Variants in CCDC57 observed in about 807,000 individuals in gnomAD.
CCDC57 encodes the protein coiled-coil domain containing 57.
CCDC57 carries 118 observed loss-of-function variants against 118.9 expected under a neutral mutation model. The observed-to-expected ratio is 0.99, with a 90% CI of 0.86 to 1.16. The LOEUF (loss-of-function observed/expected upper bound fraction) is 1.16, where lower values mean the gene tolerates loss of function less well. Ranked by LOEUF, CCDC57 falls within the 50% of genes most tolerant of loss-of-function variation. The probability of loss-of-function intolerance (pLI) is 0.00; values close to 1 mark genes in which losing one functional copy is unlikely to be tolerated. For missense variants in CCDC57, 1,300 were observed against 1,320.7 expected, an observed-to-expected ratio of 0.98 and a Z score of 0.24; for synonymous variants, 527 against 532.9, an observed-to-expected ratio of 0.99 and a Z score of 0.15.
At chr17:82,142,902 C>T (rs1203741197) in intron 16 of CCDC57, among the ~76,000 whole-genome samples, 3 of 152,144 alleles carry the variant, frequency 2.0e-5, no homozygotes, top group Non-Finnish European at 4.4e-5. Context: ...ACGTGGCTCA[C>T]GCCTGTAATC....
At chr17:82,127,761 C>T (rs1368385211) in exon 19 of CCDC57, 3 of 1,612,854 alleles carry the variant, frequency 1.9e-6, no homozygotes, top group African/African-American at 2.7e-5. Flanking sequence ...CTCCACATGT[C>T]CTGGAGGGTG....
At chr17:82,107,473 G>A (rs1289469873) in intron 19 of CCDC57, 1 of 470,312 alleles carries the variant, frequency 2.1e-6, no homozygotes, top group Non-Finnish European at 4.4e-6. Context: ...CGGCACACGG[G>A]GCGAGGTTAG....
At chr17:82,193,986 C>A in exon 6 of CCDC57, 2 of 1,609,448 alleles carry the variant, frequency 1.2e-6, no homozygotes, top group South Asian at 1.1e-5. Context: ...GCGCACCGGG[C>A]GCGGCTCATG....
intron 17 of CCDC57, among the ~76,000 whole-genome samples, chr17:82,128,985 C>A (rs1251592557): frequency 1.3e-5 from 2 of 151,728 alleles, no homozygotes; most frequent in Admixed American, 1.3e-4. Context: ...GTGGCGTGAT[C>A]TCGGCTCACT....
intron 11 of CCDC57, among the ~76,000 whole-genome samples, chr17:82,176,921 C>A (rs1262242940): frequency 6.6e-6 from 1 of 151,270 alleles, no homozygotes; most frequent in Middle Eastern, 3.2e-3. Context: ...AGGTAAGTAA[C>A]TGAATTGGCA....
chr17:82,131,742 A>T (rs1467876629), intron 17 of CCDC57, among the ~76,000 whole-genome samples: 1 of 152,082 alleles, frequency 6.6e-6, no homozygotes, highest in Non-Finnish European at 1.5e-5. Context: ...ACAGAGCAAG[A>T]CCCTGTCTCA....
rs1358969463 is a variant in CCDC57 at position 82,184,027 on chromosome 17, GCGCGCACACACACA to G, written c.1053-109_1053-96del. 6.1e-4 allele frequency: 199 copies of G among 328,592 alleles called. 2 individuals carry two copies. The highest frequency in any genetic ancestry group is 2.0e-3 in the African/African-American group (65 of 31,756). The allele number at this position is 328,592 out of a possible 1,614,324, so 20.4% of individuals were successfully genotyped here. ...CCAGCAAATACACATGCGCGCGCGC[GCGCGCACACACACA>G]CACACACACACACACACACACACAC... is the stretch of plus-strand genomic sequence containing the variant. On this transcript the variant is annotated intron_variant, in intron 8 of 19. Coordinates refer to ENST00000665763, the Ensembl canonical transcript of CCDC57.
chr17:82,209,133 T>C (rs2049997416), intron 1 of CCDC57, among the ~76,000 whole-genome samples: 1 of 152,144 alleles, frequency 6.6e-6, no homozygotes, highest in Admixed American at 6.6e-5. Flanking sequence ...CACAGCCATT[T>C]CTAAAACTGA....
intron 19 of CCDC57, among the ~76,000 whole-genome samples, chr17:82,119,153 TC>T (rs2036328129): frequency 7.0e-6 from 1 of 142,060 alleles, no homozygotes; most frequent in Admixed American, 7.1e-5. Context: ...GAGAAATTAG[TC>T]GTATTTTGAT....
chr17:82,157,908 T>A (rs2042867228), exon 15 of CCDC57: 1 of 1,565,336 alleles, frequency 6.4e-7, no homozygotes, highest in Non-Finnish European at 8.7e-7. Flanking sequence ...ACGGGGAAGC[T>A]CACGCTGGAG....
Position 82,172,885 on chromosome 17 carries a change from T to A in CCDC57, c.1507-25A>T, listed in dbSNP as rs528812171. 7.6e-6 allele frequency: 12 copies of A among 1,585,258 alleles called. No individual in the cohort carries two copies. Among genetic ancestry groups the A allele is most frequent in the Non-Finnish European group, 9.5e-6 (11 of 1,162,214 alleles). On this transcript the variant is annotated intron_variant, in intron 11 of 19. Coordinates refer to ENST00000665763, the Ensembl canonical transcript of CCDC57. This position sits in a 1 kb window ranked among gnomAD's most constrained non-coding sequence, Gnocchi z 5.2. Reference sequence around the variant, plus strand: ...TCTGTCAAATACAAGGAAAAATGGCTACAAAAAGATGAATGGTTCCCCAGC... The same window carrying A: ...TCTGTCAAATACAAGGAAAAATGGCAACAAAAAGATGAATGGTTCCCCAGC...
At chr17:82,161,774 C>T (rs1030112164) in intron 14 of CCDC57, among the ~76,000 whole-genome samples, 5 of 151,972 alleles carry the variant, frequency 3.3e-5, no homozygotes, top group East Asian at 1.9e-4. Flanking sequence ...GTTATTGTAC[C>T]GAGCTTCTAT....
At position 82,192,445 on chromosome 17, in the gene CCDC57, C is replaced by A. The variant is rs2146707546; in HGVS notation, c.851+1311G>T. 6.6e-6 allele frequency among the ~76,000 whole-genome samples: 1 copy of A among 152,304 alleles called. No individual in the cohort carries two copies. The highest frequency in any genetic ancestry group is 1.9e-4 in the East Asian group (1 of 5,192). ...TATGTGAATTTTTGACCTCATGGGG[C>A]TAGATGCCCCTAACCCCCTCACTGT... On this transcript the variant is annotated intron_variant, in intron 7 of 19. Coordinates refer to ENST00000665763, the Ensembl canonical transcript of CCDC57. This position sits in a 1 kb window ranked among gnomAD's most constrained non-coding sequence, Gnocchi z 4.0.
chr17:82,179,327 C>T (rs546301511), intron 9 of CCDC57, 138 bp from the exon 9 acceptor site: 22 of 937,226 alleles, frequency 2.3e-5, no homozygotes, highest in Middle Eastern at 3.0e-4. Context: ...GACATGCTCC[C>T]GAGCTCCTGT....
intron 3 of CCDC57, among the ~76,000 whole-genome samples, chr17:82,199,891 G>A (rs1019769515): frequency 6.6e-6 from 1 of 152,214 alleles, no homozygotes; most frequent in Non-Finnish European, 1.5e-5. Flanking sequence ...TGGGTCAAAT[G>A]ACTGCTGACT....
At chr17:82,111,377 CTTT>C (rs752590665) in intron 19 of CCDC57, among the ~76,000 whole-genome samples, 2 of 113,228 alleles carry the variant, frequency 1.8e-5, no homozygotes. Flanking sequence ...GCCTAGGGCC[CTTT>C]TTTTTTTTTT....
chr17:82,163,290 T>C, exon 14 of CCDC57: 2 of 1,614,044 alleles, frequency 1.2e-6, no homozygotes, highest in Non-Finnish European at 8.5e-7. Context: ...CTGGGCCAGC[T>C]TGGACAGATC....
At chr17:82,126,679 G>C (rs1342822141) in intron 19 of CCDC57, 7 of 985,398 alleles carry the variant, frequency 7.1e-6, no homozygotes, top group African/African-American at 3.5e-5. Flanking sequence ...AGGCTGAGGC[G>C]ATGCTGTCCA....
At chr17:82,146,387 TAG>T (rs1490647950) in intron 16 of CCDC57, among the ~76,000 whole-genome samples, 1 of 152,136 alleles carries the variant, frequency 6.6e-6, no homozygotes, top group Non-Finnish European at 1.5e-5. Flanking sequence ...TAAATGTTTT[TAG>T]AGACTGGATC....
Sources: allele counts gnomAD v4.1 joint callset (sites outside exome capture counted in the v4.1 genomes callset), GRCh38; gene constraint gnomAD v4.1.1; non-coding constraint Gnocchi (gnomAD v3.1); transcripts MANE v1.5; gene names NCBI Gene and HGNC (gene_info 2026-07-23, HGNC 2026-07-21).